The following PFKFB2 variants were observed in gnomAD, a reference collection of about 807,000 sequenced individuals.
PFKFB2 encodes the protein 6-phosphofructo-2-kinase/fructose-2,6-biphosphatase 2.
Under a neutral mutation model 68.0 loss-of-function variants are expected in PFKFB2, and 53 were observed. That is an observed-to-expected ratio of 0.78 (90% CI 0.63 to 0.98). PFKFB2 has a LOEUF of 0.98. Ranked by LOEUF, PFKFB2 falls within the 50% of genes least tolerant of loss-of-function variation. The pLI, the probability that PFKFB2 is intolerant of heterozygous loss-of-function variation, is 0.00. For synonymous variants in PFKFB2, 222 were observed against 227.6 expected (o/e 0.98, Z 0.22); for missense variants, 451 against 642.0 (o/e 0.70, Z 3.22).
intron 2 of PFKFB2, among the ~76,000 whole-genome samples, chr1:207,043,547 T>C (rs145692263): frequency 1.3e-5 from 2 of 152,312 alleles, no homozygotes; most frequent in East Asian, 3.9e-4. Flanking sequence ...AAGATTGCAG[T>C]CTATTAGAAA....
intron 2 of PFKFB2, among the ~76,000 whole-genome samples, chr1:207,061,391 G>A (rs1683113239): frequency 6.6e-6 from 1 of 151,274 alleles, no homozygotes; most frequent in Admixed American, 6.6e-5. Flanking sequence ...GTACTGCAGT[G>A]AAGACCTCAG....
chr1:207,056,432 A>G (rs1682923427), intron 2 of PFKFB2, among the ~76,000 whole-genome samples: 1 of 150,822 alleles, frequency 6.6e-6, no homozygotes, highest in Non-Finnish European at 1.5e-5. Flanking sequence ...CTTGATCCAA[A>G]AGAGAGCTGG....
At chr1:207,035,203 G>A in intron 1 of PFKFB2, 1 of 985,552 alleles carries the variant, frequency 1.0e-6, no homozygotes, top group African/African-American at 1.7e-5. Context: ...GCATGCTGTT[G>A]TGGTCATCTC....
At position 207,063,257 on chromosome 1, in the gene PFKFB2, A is replaced by C; in HGVS notation, c.375+48A>C. 6.3e-7 allele frequency: 1 copy of C among 1,595,326 alleles called. No individual in the cohort carries two copies. The highest frequency in any genetic ancestry group is 8.6e-7 in the Non-Finnish European group (1 of 1,162,980). ...TCTTTCTGGTCCCCACCCTTGCAGCAGCCTGGCTACCCAGCCCCACCTTGA... is the reference window on the plus strand; with the variant it reads ...TCTTTCTGGTCCCCACCCTTGCAGCCGCCTGGCTACCCAGCCCCACCTTGA... On this transcript the variant is annotated intron_variant, in intron 5 of 14. Coordinates refer to ENST00000367080, the MANE Select transcript of PFKFB2 (RefSeq NM_006212.2). This position sits in a 1 kb window ranked among gnomAD's most constrained non-coding sequence, Gnocchi z 4.1.
At chr1:207,049,303 T>C (rs370174396), upstream of PFKFB2, 6 of 1,614,062 alleles carry the variant, frequency 3.7e-6, no homozygotes, top group African/African-American at 8.0e-5. Context: ...CCTTTTGGTA[T>C]ATCCTGCATC....
Position 207,070,552 on chromosome 1 carries a change from C to A in PFKFB2, c.1222+143C>A. On this transcript the variant is annotated intron_variant, in intron 12 of 14. Coordinates refer to ENST00000367080, the MANE Select transcript of PFKFB2 (RefSeq NM_006212.2). The surrounding 1 kb of genome is among the most constrained non-coding windows in gnomAD (Gnocchi z 4.2). ...CCAGACAGCAGTGTGGGGCTCCCAGCAGCCACTGAGTCAATGACTTGCTGA... is the reference window on the plus strand; with the variant it reads ...CCAGACAGCAGTGTGGGGCTCCCAGAAGCCACTGAGTCAATGACTTGCTGA... The A allele has an allele frequency of 2.4e-6, 2 of 832,524 alleles. No homozygotes were observed. The highest frequency in any genetic ancestry group is 3.6e-6 in the Non-Finnish European group (2 of 549,694). 51.6% of individuals were successfully genotyped at this position (832,524 alleles called of 1,614,324 possible).
chr1:207,053,642 G>T (rs909947517), intron 1 of PFKFB2, among the ~76,000 whole-genome samples: 17 of 152,148 alleles, frequency 1.1e-4, no homozygotes, highest in Non-Finnish European at 2.2e-4. Flanking sequence ...TCCCACTCCA[G>T]TTTGAATCAG....
intron 1 of PFKFB2, among the ~76,000 whole-genome samples, chr1:207,038,477 C>T (rs1682419700): frequency 1.3e-5 from 2 of 152,310 alleles, no homozygotes; most frequent in Admixed American, 1.3e-4. Flanking sequence ...TGTGACCAGA[C>T]TGGTCTGAAA....
At chr1:207,061,112 TATATCTTTA>T (rs1179402169) in intron 2 of PFKFB2, among the ~76,000 whole-genome samples, 18 of 39,380 alleles carry the variant, frequency 4.6e-4, no homozygotes, top group African/African-American at 1.6e-3. Flanking sequence ...TATATATCTA[TATATCTTTA>T]TATATATCTT....
upstream of PFKFB2, among the ~76,000 whole-genome samples, chr1:207,051,917 C>T (rs552161121): frequency 2.6e-5 from 4 of 152,298 alleles, no homozygotes; most frequent in African/African-American, 9.6e-5. Context: ...ATAGAGAGGG[C>T]AACTAGAGCA....
At chr1:207,059,641 G>A (rs938846426) in intron 2 of PFKFB2, among the ~76,000 whole-genome samples, 19 of 152,098 alleles carry the variant, frequency 1.2e-4, no homozygotes. Flanking sequence ...TGTGCAGTGG[G>A]TAAAGGACTA....
intron 11 of PFKFB2, 32 bp downstream of exon 11, chr1:207,069,560 C>T: frequency 7.4e-7 from 1 of 1,354,134 alleles, no homozygotes; most frequent in Non-Finnish European, 1.1e-6. Context: ...AAGTGACTGC[C>T]TAGACCCTTG....
At chr1:207,050,690 G>A, upstream of PFKFB2, 1 of 1,613,122 alleles carries the variant, frequency 6.2e-7, no homozygotes, top group Non-Finnish European at 8.5e-7. Flanking sequence ...TTCCTTACCA[G>A]ATTGGATGGG....
At chr1:207,069,879 T>C (rs1043090183) in intron 11 of PFKFB2, among the ~76,000 whole-genome samples, 1 of 152,210 alleles carries the variant, frequency 6.6e-6, no homozygotes, top group African/African-American at 2.4e-5. Flanking sequence ...TTGAGTGTTT[T>C]AGGCTATTTC....
intron 3 of PFKFB2, 81 bp from the exon 4 acceptor site, chr1:207,062,539 G>GAC: frequency 6.4e-7 from 1 of 1,565,096 alleles, no homozygotes; most frequent in African/African-American, 1.4e-5. Flanking sequence ...TGGTCACTCC[G>GAC]ACATTAGGCC....
intron 1 of PFKFB2, among the ~76,000 whole-genome samples, chr1:207,040,348 A>T (rs1042239035): frequency 6.6e-6 from 1 of 152,196 alleles, no homozygotes; most frequent in Non-Finnish European, 1.5e-5. Flanking sequence ...ATACCTCAAG[A>T]TTCACTAATG....
At chr1:207,054,231 T>C (rs1197735111) in intron 1 of PFKFB2, among the ~76,000 whole-genome samples, 1 of 152,030 alleles carries the variant, frequency 6.6e-6, no homozygotes, top group Non-Finnish European at 1.5e-5. Context: ...GTCCTACCGT[T>C]AGATTGGAGT....
chr1:207,056,135 G>A (rs1475513381), intron 2 of PFKFB2, among the ~76,000 whole-genome samples: 1 of 152,006 alleles, frequency 6.6e-6, no homozygotes, highest in African/African-American at 2.4e-5. Context: ...GTGATGTGAG[G>A]ATTAAATGAC....
upstream of PFKFB2, chr1:207,050,687 C>T: frequency 6.2e-7 from 1 of 1,613,140 alleles, no homozygotes; most frequent in South Asian, 1.1e-5. Flanking sequence ...TGATTCCTTA[C>T]CAGATTGGAT....
Sources: gnomAD v4.1 joint callset for allele counts (sites outside exome capture counted in the v4.1 genomes callset) on GRCh38, gnomAD v4.1.1 for gene constraint, Gnocchi (gnomAD v3.1) non-coding constraint, MANE v1.5 for transcripts, NCBI Gene and HGNC (gene_info 2026-07-23, HGNC 2026-07-21) for gene names.